TET2: variants seen among roughly 807,000 people sequenced by gnomAD.
TET2 encodes tet methylcytosine dioxygenase 2, also known as methylcytosine dioxygenase TET2.
Under a neutral mutation model 142.9 loss-of-function variants are expected in TET2, and 299 were observed. The ratio of observed to expected loss-of-function variants is 2.09; its 90% CI spans 1.90 to 2.30. TET2 has a LOEUF of 2.30. Among genes scored for constraint, TET2 ranks in the 30% most tolerant of loss-of-function variants. The pLI, the probability that TET2 is intolerant of heterozygous loss-of-function variation, is 0.00. For synonymous variants in TET2, 819 were observed against 849.0 expected, an observed-to-expected ratio of 0.96 and a Z score of 0.61; for missense variants, 2,418 against 2,378.0, an observed-to-expected ratio of 1.02 and a Z score of -0.35.
chr4:105,157,873 C>T (rs1261805494), intron 1 of TET2, among the ~76,000 whole-genome samples: 5 of 152,044 alleles, frequency 3.3e-5, no homozygotes, highest in East Asian at 1.9e-4. Context: ...AACAGCGTTT[C>T]GCCATGTAGG....
chr4:105,269,031 A>G (rs1730823551), intron 8 of TET2, among the ~76,000 whole-genome samples: 1 of 152,174 alleles, frequency 6.6e-6, no homozygotes, highest in Admixed American at 6.5e-5. Flanking sequence ...ACACACCATT[A>G]TACACAAGTG....
chr4:105,262,318 G>A (rs1251575210), intron 8 of TET2, among the ~76,000 whole-genome samples: 4 of 151,990 alleles, frequency 2.6e-5, no homozygotes, highest in African/African-American at 7.3e-5. Context: ...AGATTTTGCT[G>A]ATCTTCCTTT....
Position 105,236,459 on chromosome 4 carries a change from C to A in TET2, c.2517C>A (p.His839Gln). ...KIQVSCSNNT[H>Q]LVSENKEQTT... ...AGGTTTCTTGTTCAAACAATACACACCTAGTTTCAGAGAATAAAGAACAGA... is the reference window on the plus strand; with the variant it reads ...AGGTTTCTTGTTCAAACAATACACAACTAGTTTCAGAGAATAAAGAACAGA... The change falls in exon 3 of 11, where the codon CAC (histidine) becomes CAA (glutamine). Residue 839 changes from histidine to glutamine, a missense_variant. By Grantham distance (24) the His-to-Gln change is conservative (BLOSUM62 0). Coordinates refer to ENST00000380013, the MANE Select transcript of TET2 (RefSeq NM_001127208.3). The A allele has an allele frequency of 6.2e-7, 1 of 1,614,026 alleles. No individual in the cohort carries two copies. The highest frequency in any genetic ancestry group is 8.5e-7 in the Non-Finnish European group (1 of 1,180,004).
intron 1 of TET2, among the ~76,000 whole-genome samples, chr4:105,159,255 T>TTTC (rs1560713317): frequency 4.7e-5 from 7 of 148,634 alleles, no homozygotes; most frequent in African/African-American, 1.7e-4. Context: ...TTCTTTCTTT[T>TTTC]TTTTTTTTTT....
At chr4:105,270,608 A>G (rs1379350333) in intron 9 of TET2, among the ~76,000 whole-genome samples, 1 of 152,124 alleles carries the variant, frequency 6.6e-6, no homozygotes, top group East Asian at 1.9e-4. Context: ...CTGACTACAT[A>G]TTACAGTGGG....
intron 1 of TET2, among the ~76,000 whole-genome samples, chr4:105,154,583 A>G (rs993664840): frequency 5.9e-5 from 9 of 152,316 alleles, no homozygotes; most frequent in African/African-American, 1.2e-4. Context: ...TGTGATAACA[A>G]TAGCCTTTAG....
intron 2 of TET2, among the ~76,000 whole-genome samples, chr4:105,212,264 T>G (rs1166663920): frequency 1.3e-5 from 2 of 152,228 alleles, no homozygotes; most frequent in Non-Finnish European, 2.9e-5. Flanking sequence ...CTTAATGTTC[T>G]GCTTTGCCAA....
chr4:105,213,981 C>G (rs1727324769), intron 2 of TET2, among the ~76,000 whole-genome samples: 1 of 152,060 alleles, frequency 6.6e-6, no homozygotes, highest in South Asian at 2.1e-4. Flanking sequence ...GTCTCAGACT[C>G]CCGAGTAGCT....
intron 8 of TET2, among the ~76,000 whole-genome samples, chr4:105,265,259 A>G (rs1474212544): frequency 6.6e-6 from 1 of 152,218 alleles, no homozygotes; most frequent in African/African-American, 2.4e-5. Context: ...AACAGTTGAT[A>G]CGTGGCTAGT....
chr4:105,163,846 AGAGAGAGAGTGTGTGTGTGT>A (rs1723999562), intron 1 of TET2, among the ~76,000 whole-genome samples: 3 of 116,038 alleles, frequency 2.6e-5, no homozygotes, highest in African/African-American at 1.1e-4. Flanking sequence ...AGAGAGAGAG[AGAGAGAGAGTGTGTGTGTGT>A]GTGTGTGTGT....
intron 2 of TET2, among the ~76,000 whole-genome samples, chr4:105,211,097 A>G (rs552279258): frequency 2.6e-5 from 4 of 152,290 alleles, no homozygotes; most frequent in Admixed American, 2.0e-4. Context: ...CTCCTCAGCT[A>G]TATCATGCTA....
At chr4:105,170,664 T>C (rs1456893478) in intron 1 of TET2, among the ~76,000 whole-genome samples, 1 of 152,228 alleles carries the variant, frequency 6.6e-6, no homozygotes, top group Non-Finnish European at 1.5e-5. Flanking sequence ...GAGGAATAGC[T>C]GAGACAATCT....
chr4:105,240,480 G>A (rs1729232440), intron 3 of TET2: 1 of 1,076,902 alleles, frequency 9.3e-7, no homozygotes, highest in African/African-American at 1.6e-5. Flanking sequence ...CATTTGAAAA[G>A]ACAAATGTTA....
intron 2 of TET2, among the ~76,000 whole-genome samples, chr4:105,219,350 C>T (rs767488733): frequency 6.6e-5 from 10 of 152,016 alleles, no homozygotes; most frequent in Admixed American, 1.3e-4. Context: ...AATAGGAAAA[C>T]GAATTTATTC....
chr4:105,149,840 C>T (rs781575310), intron 1 of TET2, among the ~76,000 whole-genome samples: 15 of 152,126 alleles, frequency 9.9e-5, no homozygotes, highest in Non-Finnish European at 1.8e-4. Flanking sequence ...GGCACATGGT[C>T]CTACTAGACA....
chr4:105,227,249 A>C (rs1728244433), intron 2 of TET2, among the ~76,000 whole-genome samples: 1 of 152,074 alleles, frequency 6.6e-6, no homozygotes, highest in Admixed American at 6.6e-5. Flanking sequence ...ACAATTAGTC[A>C]CTCCAGGTTT....
intron 1 of TET2, among the ~76,000 whole-genome samples, chr4:105,163,848 AGAGAGAGTGTGTGTGTGTGTGT>A (rs1724004357): frequency 1.8e-5 from 2 of 113,628 alleles, no homozygotes; most frequent in South Asian, 5.3e-4. Context: ...AGAGAGAGAG[AGAGAGAGTGTGTGTGTGTGTGT>A]GTGTGTGTGT....
In TET2 at chr4:105,236,089, C is replaced by CA. The variant is rs1728871838; in HGVS notation, c.2148dup (p.His717ThrfsTer6). ...TCAGAGACTGAGCCATTTTCAAACT[C>CA]ACACCTTTTGCAACATAAGCCTCAT... On this transcript the variant is annotated frameshift_variant, in exon 3 of 11. Transcript: ENST00000380013. LOFTEE classifies it high-confidence loss of function. 6.2e-7 allele frequency: 1 copy of CA among 1,614,126 alleles called. No homozygotes were observed. Among genetic ancestry groups the CA allele is most frequent in the Non-Finnish European group, 8.5e-7 (1 of 1,179,998 alleles).
At chr4:105,253,309 A>C (rs549582583) in intron 6 of TET2, among the ~76,000 whole-genome samples, 1 of 152,124 alleles carries the variant, frequency 6.6e-6, no homozygotes, top group South Asian at 2.1e-4. Flanking sequence ...ACATCTTCCT[A>C]TCCATGAACA....
Sources: gnomAD v4.1 joint callset for allele counts (sites outside exome capture counted in the v4.1 genomes callset) on GRCh38, gnomAD v4.1.1 for gene constraint, MANE v1.5 for transcripts, NCBI Gene and HGNC (gene_info 2026-07-23, HGNC 2026-07-21) for gene names.